The following MREG variants were observed in gnomAD, a reference collection of about 807,000 sequenced individuals.
The protein encoded by MREG is melanoregulin.
A neutral mutation model predicts 28.5 loss-of-function variants in MREG; 31 were observed. The observed-to-expected ratio is 1.09, with a 90% CI of 0.82 to 1.47. The LOEUF (loss-of-function observed/expected upper bound fraction) is 1.47, where lower values mean the gene tolerates loss of function less well. Ranked by LOEUF, MREG falls within the 40% of genes most tolerant of loss-of-function variation. The pLI, the probability that MREG is intolerant of heterozygous loss-of-function variation, is 0.00. For missense variants in MREG, 256 were observed against 257.4 expected, an observed-to-expected ratio of 0.99 and a Z score of 0.04; for synonymous variants, 106 against 95.2, an observed-to-expected ratio of 1.11 and a Z score of -0.66.
At chr2:215,949,433 T>A (rs1255499788) in intron 2 of MREG, among the ~76,000 whole-genome samples, 1 of 148,618 alleles carries the variant, frequency 6.7e-6, no homozygotes, top group East Asian at 2.0e-4. Flanking sequence ...TGGTGGTGTG[T>A]GCCTGTGGTC....
chr2:216,014,402 G>C (rs955885339), upstream of MREG, among the ~76,000 whole-genome samples: 9 of 152,140 alleles, frequency 5.9e-5, no homozygotes, highest in African/African-American at 2.2e-4. Flanking sequence ...TGTAATCCCA[G>C]CAAGTTGGGA....
intron 2 of MREG, among the ~76,000 whole-genome samples, chr2:215,967,053 C>T (rs1263050777): frequency 6.6e-6 from 1 of 152,220 alleles, no homozygotes; most frequent in African/African-American, 2.4e-5. Context: ...AAAATAATCA[C>T]TTAAACTGAA....
chr2:216,021,290 G>A (rs968446332), intron 1 of MREG, among the ~76,000 whole-genome samples: 2 of 152,116 alleles, frequency 1.3e-5, no homozygotes, highest in Non-Finnish European at 2.9e-5. Flanking sequence ...TGGGACCACA[G>A]GCATGCACAA....
chr2:216,012,848 A>G (rs1423537756), intron 1 of MREG, among the ~76,000 whole-genome samples: 1 of 152,244 alleles, frequency 6.6e-6, no homozygotes, highest in African/African-American at 2.4e-5. Context: ...TGAGTGGCAC[A>G]GAAATCCACA....
intron 2 of MREG, among the ~76,000 whole-genome samples, chr2:215,961,311 T>C (rs1261142021): frequency 6.6e-6 from 1 of 152,226 alleles, no homozygotes; most frequent in Non-Finnish European, 1.5e-5. Context: ...ATGAGCCTTT[T>C]TGGCTGGGCA....
At position 215,945,440 on chromosome 2, in the gene MREG, T is replaced by C; in HGVS notation, c.510+131A>G. The C allele has an allele frequency of 3.6e-6, 4 of 1,124,484 alleles. No individual in the cohort carries two copies. The Admixed American group carries it at 9.8e-5, about 27-fold the overall frequency. The allele number at this position is 1,124,484 out of a possible 1,614,324, so 69.7% of individuals were successfully genotyped here. A position where few individuals can be genotyped will look rare whatever the true frequency, so the allele number is the denominator to read the frequency against. On this transcript the variant is annotated intron_variant, in intron 4 of 4. Coordinates refer to ENST00000263268, the MANE Select transcript of MREG (RefSeq NM_018000.3). ...CTGCGGGCCACTGGGGACCACAGCA[T>C]ATAATGCCAGCATCTGCCACCTCAT... is the stretch of plus-strand genomic sequence containing the variant.
downstream of MREG, among the ~76,000 whole-genome samples, chr2:215,939,927 A>T (rs922636777): frequency 6.6e-6 from 1 of 152,224 alleles, no homozygotes; most frequent in Non-Finnish European, 1.5e-5. Flanking sequence ...TTTAAAAAGT[A>T]ATGATCTATA....
chr2:216,017,373 T>C (rs1157920988), upstream of MREG, among the ~76,000 whole-genome samples: 1 of 152,242 alleles, frequency 6.6e-6, no homozygotes, highest in East Asian at 1.9e-4. Flanking sequence ...ATGCCTTCAC[T>C]ATTTCCTTGA....
rs1156244082 is a variant in MREG at position 215,962,456 on chromosome 2, G to A, written c.256-15343C>T. Among the ~76,000 whole-genome samples, 9 of 152,292 alleles carry A rather than the reference G, an allele frequency of 5.9e-5. No individual in the cohort carries two copies. The East Asian group carries it at 1.5e-3, about 26-fold the overall frequency. On this transcript the variant is annotated intron_variant, in intron 2 of 4. Coordinates refer to ENST00000263268, the MANE Select transcript of MREG (RefSeq NM_018000.3). ...ATTGTTATTCCTAATCAACTAGTTGGAACCACCTCCGAGTTCTGGGGCTCT... is the reference window on the plus strand; with the variant it reads ...ATTGTTATTCCTAATCAACTAGTTGAAACCACCTCCGAGTTCTGGGGCTCT...
chr2:216,031,803 T>C (rs1012790900), intron 1 of MREG, among the ~76,000 whole-genome samples: 5 of 152,198 alleles, frequency 3.3e-5, no homozygotes, highest in South Asian at 2.1e-4. Context: ...ATCAATCCCA[T>C]TGAAACTAAT....
chr2:215,956,183 C>G (rs190776914), intron 2 of MREG, among the ~76,000 whole-genome samples: 1 of 152,186 alleles, frequency 6.6e-6, no homozygotes, highest in Non-Finnish European at 1.5e-5. Context: ...GATCAGCCTA[C>G]ACAGCAGTTC....
At chr2:216,017,287 T>A (rs1694463038), upstream of MREG, among the ~76,000 whole-genome samples, 1 of 152,250 alleles carries the variant, frequency 6.6e-6, no homozygotes, top group African/African-American at 2.4e-5. Context: ...TATTAACTGA[T>A]GTGAGTCTTC....
At chr2:216,023,029 T>A (rs1248104089) in intron 1 of MREG, among the ~76,000 whole-genome samples, 1 of 152,198 alleles carries the variant, frequency 6.6e-6, no homozygotes, top group Non-Finnish European at 1.5e-5. Flanking sequence ...TTTAAATTCG[T>A]GTTTTTAGTT....
chr2:215,949,071 ACTAC>A lies in MREG; in HGVS notation c.256-1962_256-1959del, dbSNP rs1559173473. Among the ~76,000 whole-genome samples, 297 of 139,476 alleles carry A rather than the reference ACTAC, an allele frequency of 2.1e-3. 2 individuals carry two copies. The highest frequency in any genetic ancestry group is 3.0e-3 in the African/African-American group (112 of 37,886). The allele number at this position is 139,476 out of a possible 152,430, so 91.5% of individuals were successfully genotyped here. A position where few individuals can be genotyped will look rare whatever the true frequency, so the allele number is the denominator to read the frequency against. ...TACTACTACTACTACTACTACTACT[ACTAC>A]TACTACTACTACTAATAATAATAAT... On this transcript the variant is annotated intron_variant, in intron 2 of 4. Coordinates refer to ENST00000263268, the MANE Select transcript of MREG (RefSeq NM_018000.3).
chr2:215,995,315 T>G (rs2106015695), intron 2 of MREG, among the ~76,000 whole-genome samples: 1 of 152,320 alleles, frequency 6.6e-6, no homozygotes, highest in East Asian at 1.9e-4. Flanking sequence ...TCCCCCATCC[T>G]GTGATCCACA....
chr2:215,962,866 T>A (rs958956226), intron 2 of MREG, among the ~76,000 whole-genome samples: 5 of 152,220 alleles, frequency 3.3e-5, no homozygotes, highest in African/African-American at 1.2e-4. Context: ...CCAAGCATGG[T>A]GGCTCACGCT....
At chr2:215,979,980 A>AAC (rs199786720) in intron 2 of MREG, among the ~76,000 whole-genome samples, 5,032 of 147,034 alleles carry the variant, frequency 0.034, 122 homozygotes, top group East Asian at 0.098. Context: ...CAAACAAACA[A>AAC]AAAAAAAAAA....
chr2:216,021,330 C>T (rs904901035), intron 1 of MREG, among the ~76,000 whole-genome samples: 3 of 152,080 alleles, frequency 2.0e-5, no homozygotes, highest in Non-Finnish European at 4.4e-5. Flanking sequence ...TGGGGTTATC[C>T]ACCCGCCTCG....
intron 2 of MREG, among the ~76,000 whole-genome samples, chr2:215,957,699 T>A (rs1158166631): frequency 4.6e-5 from 7 of 152,016 alleles, no homozygotes; most frequent in Non-Finnish European, 2.9e-5. Flanking sequence ...TTACCTAAGG[T>A]ACCTCCTTGG....
Sources: gnomAD v4.1 joint callset for allele counts (sites outside exome capture counted in the v4.1 genomes callset) on GRCh38, gnomAD v4.1.1 for gene constraint, MANE v1.5 for transcripts, NCBI Gene and HGNC (gene_info 2026-07-23, HGNC 2026-07-21) for gene names.